The following GRM3 variants were observed in gnomAD, a reference collection of about 807,000 sequenced individuals.
GRM3 encodes the protein glutamate metabotropic receptor 3.
GRM3 carries 26 observed loss-of-function variants against 70.5 expected under a neutral mutation model. The observed-to-expected ratio is 0.37, with a 90% confidence interval of 0.27 to 0.51. The LOEUF (loss-of-function observed/expected upper bound fraction) is 0.51. Ranked by LOEUF, GRM3 falls within the 20% of genes least tolerant of loss-of-function variation. The pLI, the probability that GRM3 is intolerant of heterozygous loss-of-function variation, is 0.93. For synonymous variants in GRM3, 443 were observed against 434.9 expected (o/e 1.02, Z -0.23); for missense variants, 859 against 1,123.8 (o/e 0.76, Z 3.37).
intron 3 of GRM3, among the ~76,000 whole-genome samples, chr7:86,790,659 T>A (rs1797387245): frequency 6.6e-6 from 1 of 152,064 alleles, no homozygotes; most frequent in Non-Finnish European, 1.5e-5. Context: ...TCCTCACCTT[T>A]TACTCTCCTT....
intron 1 of GRM3, among the ~76,000 whole-genome samples, chr7:86,669,683 G>C (rs770289641): frequency 6.6e-6 from 1 of 152,070 alleles, no homozygotes; most frequent in African/African-American, 2.4e-5. Flanking sequence ...TATATATTTT[G>C]TTCCATTCCA....
At chr7:86,860,848 G>C (rs1278011056) in intron 5 of GRM3, among the ~76,000 whole-genome samples, 1 of 152,150 alleles carries the variant, frequency 6.6e-6, no homozygotes, top group Admixed American at 6.5e-5. Context: ...TTGACTCTAA[G>C]AGTGCACTCC....
intron 3 of GRM3, among the ~76,000 whole-genome samples, chr7:86,791,274 GCAAT>G (rs1416216619): frequency 6.6e-6 from 1 of 152,036 alleles, no homozygotes; most frequent in Non-Finnish European, 1.5e-5. Flanking sequence ...ATAAAAGCAA[GCAAT>G]CAATTTATAA....
At chr7:86,741,799 C>T (rs984822144) in intron 1 of GRM3, among the ~76,000 whole-genome samples, 1 of 152,128 alleles carries the variant, frequency 6.6e-6, no homozygotes, top group African/African-American at 2.4e-5. Context: ...TGCTAAGGAC[C>T]ATTTTTGTTG....
intron 2 of GRM3, among the ~76,000 whole-genome samples, chr7:86,783,770 T>C (rs908586255): frequency 6.6e-6 from 1 of 152,246 alleles, no homozygotes; most frequent in Non-Finnish European, 1.5e-5. Flanking sequence ...ATTACTTCAA[T>C]ACTTCACTCC....
chr7:86,762,371 CTG>C (rs1428707953), intron 1 of GRM3, among the ~76,000 whole-genome samples: 3 of 152,100 alleles, frequency 2.0e-5, no homozygotes, highest in Non-Finnish European at 4.4e-5. Flanking sequence ...CCAGCTGACT[CTG>C]TGGCTCAGGA....
chr7:86,763,691 C>T (rs1796533549), intron 1 of GRM3, among the ~76,000 whole-genome samples: 1 of 152,142 alleles, frequency 6.6e-6, no homozygotes, highest in Non-Finnish European at 1.5e-5. Flanking sequence ...ATTCATTGCA[C>T]TACCTGAGAT....
chr7:86,832,245 C>A (rs76415658), intron 3 of GRM3, among the ~76,000 whole-genome samples: 6 of 112,348 alleles, frequency 5.3e-5, no homozygotes. Context: ...TGCTTGTAGC[C>A]TTTTTTTTTT....
chr7:86,725,862 G>A (rs1437950577), intron 1 of GRM3, among the ~76,000 whole-genome samples: 3 of 152,134 alleles, frequency 2.0e-5, no homozygotes, highest in African/African-American at 7.2e-5. Flanking sequence ...AGAAGAAGGG[G>A]GAAGGAGGAA....
intron 1 of GRM3, among the ~76,000 whole-genome samples, chr7:86,751,315 T>G (rs1036446898): frequency 3.3e-5 from 5 of 152,104 alleles, no homozygotes; most frequent in African/African-American, 1.2e-4. Context: ...TGGAGTGTGC[T>G]GCCAAAATAA....
Position 86,733,449 on chromosome 7 carries a change from G to T in GRM3, c.-140-31557G>T, listed in dbSNP as rs1795785344. On this transcript the variant is annotated intron_variant, in intron 1 of 5. Transcript: ENST00000361669. ...CTCTTGTCATTCTTCCTTCCTGAAGGTACCAGGAGGACTGGGCATGAAGAT... is the reference window on the plus strand; with the variant it reads ...CTCTTGTCATTCTTCCTTCCTGAAGTTACCAGGAGGACTGGGCATGAAGAT... Among the ~76,000 whole-genome samples the T allele has an allele frequency of 2.6e-5, 4 of 152,258 alleles. No homozygotes were observed. The South Asian group carries it at 8.3e-4, about 32-fold the overall frequency.
At chr7:86,655,769 G>A (rs1793718978) in intron 1 of GRM3, among the ~76,000 whole-genome samples, 1 of 151,522 alleles carries the variant, frequency 6.6e-6, no homozygotes, top group African/African-American at 2.4e-5. Context: ...TAGGAAAAAA[G>A]TTCCTACCTG....
At chr7:86,806,800 T>A (rs1414671167) in intron 3 of GRM3, among the ~76,000 whole-genome samples, 12 of 152,092 alleles carry the variant, frequency 7.9e-5, no homozygotes, top group Non-Finnish European at 1.6e-4. Flanking sequence ...TTTTGATGTT[T>A]TAGTCATGAA....
chr7:86,674,044 C>A (rs182665330), intron 1 of GRM3, among the ~76,000 whole-genome samples: 2 of 152,260 alleles, frequency 1.3e-5, no homozygotes, highest in African/African-American at 4.8e-5. Context: ...CTACTGTTGT[C>A]TAACACATTG....
intron 1 of GRM3, among the ~76,000 whole-genome samples, chr7:86,756,328 C>T (rs1562850129): frequency 6.6e-6 from 1 of 152,122 alleles, no homozygotes; most frequent in African/African-American, 2.4e-5. Flanking sequence ...ATCCACCCAC[C>T]TTGGCCTCCC....
At chr7:86,663,391 T>C (rs1175172906) in intron 1 of GRM3, among the ~76,000 whole-genome samples, 1 of 151,974 alleles carries the variant, frequency 6.6e-6, no homozygotes, top group Non-Finnish European at 1.5e-5. Flanking sequence ...TTCCAAAATC[T>C]GAGGTGATCA....
rs1282122416 is a variant in GRM3 at position 86,839,354 on chromosome 7, C to T, written c.1840C>T (p.Leu614Phe). 2.5e-6 allele frequency: 4 copies of T among 1,613,990 alleles called. No individual in the cohort carries two copies. The part of the protein sequence containing the change: ...TPLVKASGRE[L>F]CYILLFGVGL... ...CTTGGTCAAAGCATCGGGCCGAGAACTCTGCTACATCTTATTGTTTGGGGT... is the reference window on the plus strand; with the variant it reads ...CTTGGTCAAAGCATCGGGCCGAGAATTCTGCTACATCTTATTGTTTGGGGT... The change falls in exon 4 of 6, where the codon CTC (leucine) becomes TTC (phenylalanine). Residue 614 changes from leucine (L) to phenylalanine (F), a missense_variant. Leu to Phe is a conservative substitution (Grantham distance 22). Transcript: ENST00000361669. The surrounding 1 kb of genome is among the most constrained non-coding windows in gnomAD (Gnocchi z 4.5).
At chr7:86,822,450 G>A (rs1798141816) in intron 3 of GRM3, among the ~76,000 whole-genome samples, 1 of 152,116 alleles carries the variant, frequency 6.6e-6, no homozygotes, top group South Asian at 2.1e-4. Flanking sequence ...TATTTGTGCT[G>A]GCCTTGAAGG....
At chr7:86,737,343 T>C (rs777267800) in intron 1 of GRM3, among the ~76,000 whole-genome samples, 1 of 152,238 alleles carries the variant, frequency 6.6e-6, no homozygotes, top group Non-Finnish European at 1.5e-5. Flanking sequence ...ATAGGCTTAA[T>C]ATTTGTTTCA....
Sources: allele counts gnomAD v4.1 joint callset (sites outside exome capture counted in the v4.1 genomes callset), GRCh38; gene constraint gnomAD v4.1.1; non-coding constraint Gnocchi (gnomAD v3.1); transcripts MANE v1.5; gene names NCBI Gene and HGNC (gene_info 2026-07-23, HGNC 2026-07-21).